The following ZNF487 variants were observed in gnomAD, a reference collection of about 807,000 sequenced individuals.
The protein encoded by ZNF487 is KRAB domain only 1.
ZNF487 carries 4 observed loss-of-function variants against 3.0 expected under a neutral mutation model. The ratio of observed to expected loss-of-function variants is 1.35; its 90% CI spans 0.66 to 3.08. ZNF487 has a LOEUF of 3.08. Among genes scored for constraint, ZNF487 ranks in the 30% most tolerant of loss-of-function variants. The pLI is 0.01. For synonymous variants in ZNF487, 55 were observed against 34.6 expected, an observed-to-expected ratio of 1.59 and a Z score of -2.06; for missense variants, 146 against 98.7, an observed-to-expected ratio of 1.48 and a Z score of -2.03.
the ZNF487 span, among the ~76,000 whole-genome samples, chr10:43,490,902 A>G: frequency 6.7e-6 from 1 of 149,280 alleles, no homozygotes; most frequent in Non-Finnish European, 1.5e-5. Flanking sequence ...TCGAACTCCC[A>G]ACCTCAGGTG....
At position 43,482,089 on chromosome 10, in the gene ZNF487, T is replaced by C; in HGVS notation, c.*167T>C. ...GGTTATGGAGATGAAATACTATGAGTGTAATGCGAGTGAGAATAGTTTTGG... is the reference window on the plus strand; with the variant it reads ...GGTTATGGAGATGAAATACTATGAGCGTAATGCGAGTGAGAATAGTTTTGG... On this transcript the variant is annotated 3_prime_UTR_variant, in exon 4 of 4. Transcript: ENST00000437590. The C allele has an allele frequency of 1.7e-6, 1 of 576,966 alleles. No homozygotes were observed. Among genetic ancestry groups the C allele is most frequent in the South Asian group, 2.4e-5 (1 of 42,296 alleles). The allele number at this position is 576,966 out of a possible 1,614,324, so 35.7% of individuals were successfully genotyped here. A position where few individuals can be genotyped will look rare whatever the true frequency, so the allele number is the denominator to read the frequency against.
the ZNF487 span, among the ~76,000 whole-genome samples, chr10:43,521,900 AG>A: frequency 2.8e-4 from 34 of 123,552 alleles, no homozygotes; most frequent in African/African-American, 1.0e-3. Flanking sequence ...TGAAAAGTAA[AG>A]GATGACTTTA....
At chr10:43,461,813 A>G (rs1259675772) in intron 1 of ZNF487, among the ~76,000 whole-genome samples, 1 of 151,982 alleles carries the variant, frequency 6.6e-6, no homozygotes, top group Non-Finnish European at 1.5e-5. Flanking sequence ...TAATTTCTTT[A>G]TATTAGGGAA....
intron 1 of ZNF487, among the ~76,000 whole-genome samples, 183 bp downstream of exon 1, chr10:43,437,445 A>G (rs998011754): frequency 3.3e-5 from 5 of 152,118 alleles, no homozygotes; most frequent in East Asian, 1.9e-4. Context: ...AGCCCACCCT[A>G]GAGAAGCGAG....
intron 1 of ZNF487, among the ~76,000 whole-genome samples, chr10:43,457,557 GGA>G (rs1564418025): frequency 2.9e-5 from 3 of 103,390 alleles, no homozygotes; most frequent in Non-Finnish European, 4.4e-5. Flanking sequence ...TCTGTCTTGG[GGA>G]AAAAAAAAAA....
intron 1 of ZNF487, among the ~76,000 whole-genome samples, chr10:43,456,038 CA>C (rs1324471835): frequency 6.6e-6 from 1 of 152,236 alleles, no homozygotes; most frequent in African/African-American, 2.4e-5. Context: ...AAGTATAATG[CA>C]GGCTCTGTTT....
intron 1 of ZNF487, among the ~76,000 whole-genome samples, chr10:43,470,868 A>G (rs1396055611): frequency 6.6e-6 from 1 of 151,706 alleles, no homozygotes; most frequent in Non-Finnish European, 1.5e-5. Flanking sequence ...CACACAGCCT[A>G]GAGTACAGTG....
At position 43,463,897 on chromosome 10, in the gene ZNF487, G is replaced by A. The variant is rs371721597; in HGVS notation, c.-93-11824G>A. Among the ~76,000 whole-genome samples the A allele has an allele frequency of 6.6e-5, 10 of 151,960 alleles. No homozygotes were observed. The South Asian group carries it at 2.1e-3, about 32-fold the overall frequency. ...GTTAAAATTAACAAATGTTGCCTGT[G>A]TTCTGACTGCTTCACTGACTGGCTG... On this transcript the variant is annotated intron_variant, in intron 1 of 3. Coordinates refer to ENST00000437590, the MANE Select transcript of ZNF487 (RefSeq NM_001355444.3).
At chr10:43,465,875 CA>C (rs1564422419) in intron 1 of ZNF487, among the ~76,000 whole-genome samples, 2 of 152,190 alleles carry the variant, frequency 1.3e-5, no homozygotes, top group African/African-American at 4.8e-5. Context: ...GAGATCACGC[CA>C]CTGCACTCCA....
chr10:43,508,770 T>C, the ZNF487 span, among the ~76,000 whole-genome samples: 111,457 of 151,720 alleles, frequency 0.73, 41,981 homozygotes, highest in East Asian at 0.93. Context: ...CGTTTGAACC[T>C]GGGAGGCGGA....
chr10:43,516,936 T>G, the ZNF487 span, among the ~76,000 whole-genome samples: 2 of 152,192 alleles, frequency 1.3e-5, no homozygotes, highest in Non-Finnish European at 2.9e-5. Context: ...GTAGTTTTCC[T>G]TCATCTCTAA....
chr10:43,498,123 T>A, the ZNF487 span, among the ~76,000 whole-genome samples: 620 of 27,548 alleles, frequency 0.023, 25 homozygotes, highest in East Asian at 0.074. Flanking sequence ...TCTTTTTTTT[T>A]TTTTTTTTTT....
intron 1 of ZNF487, among the ~76,000 whole-genome samples, chr10:43,465,050 A>G (rs1281174938): frequency 8.8e-6 from 1 of 113,300 alleles, no homozygotes; most frequent in African/African-American, 4.0e-5. Context: ...CGGGGGGCTG[A>G]CCCCCCCCAC....
chr10:43,438,186 C>CAT (rs571993573), intron 1 of ZNF487, among the ~76,000 whole-genome samples: 73 of 151,078 alleles, frequency 4.8e-4, no homozygotes, highest in East Asian at 7.8e-4. Flanking sequence ...TCTTAGGTTC[C>CAT]ATATATATAT....
At chr10:43,459,808 TTATTA>T in intron 1 of ZNF487, among the ~76,000 whole-genome samples, 1 of 128,216 alleles carries the variant, frequency 7.8e-6, no homozygotes, top group Admixed American at 7.4e-5. Context: ...ATTATTATTA[TTATTA>T]TTTTCTGAGA....
At chr10:43,473,659 C>A (rs1840986350) in intron 1 of ZNF487, among the ~76,000 whole-genome samples, 1 of 152,008 alleles carries the variant, frequency 6.6e-6, no homozygotes, top group Non-Finnish European at 1.5e-5. Flanking sequence ...GCTGGGATTA[C>A]AGGCCCCCTT....
At chr10:43,511,511 A>G in the ZNF487 span, among the ~76,000 whole-genome samples, 1 of 152,176 alleles carries the variant, frequency 6.6e-6, no homozygotes, top group East Asian at 1.9e-4. Flanking sequence ...TCCATGATGG[A>G]AGAGGTCCAA....
At chr10:43,506,159 C>G in the ZNF487 span, among the ~76,000 whole-genome samples, 1 of 152,132 alleles carries the variant, frequency 6.6e-6, no homozygotes, top group Non-Finnish European at 1.5e-5. Context: ...AGCCACAGTT[C>G]TACTCCCCAC....
intron 1 of ZNF487, among the ~76,000 whole-genome samples, chr10:43,473,434 CT>C (rs1386690464): frequency 6.6e-6 from 1 of 151,970 alleles, no homozygotes; most frequent in Non-Finnish European, 1.5e-5. Context: ...GGGTATTTTT[CT>C]TTTTATTAGA....
Sources: gnomAD v4.1 joint callset for allele counts (sites outside exome capture counted in the v4.1 genomes callset) on GRCh38, gnomAD v4.1.1 for gene constraint, MANE v1.5 for transcripts, NCBI Gene and HGNC (gene_info 2026-07-23, HGNC 2026-07-21) for gene names.